The following AGO3 variants were observed in gnomAD, a reference collection of about 807,000 sequenced individuals.
The protein encoded by AGO3 is argonaute RISC catalytic component 3, also known as protein argonaute-3.
In AGO3, 16 loss-of-function variants were observed where a neutral mutation model predicts 105.5. The observed-to-expected ratio is 0.15, with a 90% CI of 0.10 to 0.23. The LOEUF is 0.23. Among genes scored for constraint, AGO3 ranks in the 10% least tolerant of loss-of-function variants. The pLI, the probability that AGO3 is intolerant of heterozygous loss-of-function variation, is 1.00. For synonymous variants in AGO3, 340 were observed against 367.3 expected, an observed-to-expected ratio of 0.93 and a Z score of 0.85; for missense variants, 534 against 1,088.0, an observed-to-expected ratio of 0.49 and a Z score of 7.16.
At position 35,938,424 on chromosome 1, in the gene AGO3, G is replaced by A. The variant is rs181739866; in HGVS notation, c.19+6979G>A. ...ATGAAACCATTGTTAACTCTTTCTTGTATATCTTCCCAGACATCCATCCGT... is the reference window on the plus strand; with the variant it reads ...ATGAAACCATTGTTAACTCTTTCTTATATATCTTCCCAGACATCCATCCGT... On this transcript the variant is annotated intron_variant, in intron 1 of 18. Coordinates refer to ENST00000373191, the MANE Select transcript of AGO3 (RefSeq NM_024852.4). Among the ~76,000 whole-genome samples, 11 of 152,232 alleles carry A rather than the reference G, an allele frequency of 7.2e-5. No individual in the cohort carries two copies. The East Asian group carries it at 1.7e-3, about 24-fold the overall frequency.
At chr1:35,967,626 A>T (rs1646799391) in intron 3 of AGO3, among the ~76,000 whole-genome samples, 1 of 152,066 alleles carries the variant, frequency 6.6e-6, no homozygotes. Flanking sequence ...CATGTTGGCC[A>T]GACTGGTCTC....
chr1:36,026,040 C>CA (rs796763694), intron 11 of AGO3, among the ~76,000 whole-genome samples: 2,308 of 135,340 alleles, frequency 0.017, 45 homozygotes, highest in African/African-American at 0.057. Context: ...GACTCCACCT[C>CA]AAAAAAAAAA....
chr1:35,996,082 T>C (rs1254187181), intron 5 of AGO3, among the ~76,000 whole-genome samples: 1 of 152,102 alleles, frequency 6.6e-6, no homozygotes, highest in Non-Finnish European at 1.5e-5. Flanking sequence ...CTCACACCTA[T>C]AATCCCAACA....
At chr1:35,938,024 A>G (rs1046154509) in intron 1 of AGO3, among the ~76,000 whole-genome samples, 1 of 139,336 alleles carries the variant, frequency 7.2e-6, no homozygotes, top group Non-Finnish European at 1.5e-5. Context: ...TCTGTCGCCC[A>G]GGCTGGAGTG....
At position 35,989,007 on chromosome 1, in the gene AGO3, A is replaced by G. The variant is rs185065786; in HGVS notation, c.659-15334A>G. ...ATTTTGCAAGCCTTGTACGTGGTAT[A>G]TGCACTGAACTAAACAGCCTTTATT... On this transcript the variant is annotated intron_variant, in intron 5 of 18. Transcript: ENST00000373191. Among the ~76,000 whole-genome samples the G allele has an allele frequency of 2.6e-5, 4 of 152,326 alleles. No homozygotes were observed. In the East Asian group the frequency reaches 7.7e-4, roughly 29 times the overall value.
intron 5 of AGO3, among the ~76,000 whole-genome samples, chr1:35,985,228 A>C (rs1010877767): frequency 4.6e-5 from 7 of 152,090 alleles, no homozygotes; most frequent in Non-Finnish European, 7.4e-5. Flanking sequence ...GCTGCAGTGA[A>C]CTGTGATCTC....
In AGO3 at chr1:36,056,863, T is replaced by C. The variant is rs1161653335; in HGVS notation, c.*1118T>C. ...TTCAAGCAATTCTCCTGCCTCAGCC[T>C]CCCGAGTAGCTGGGTTTACAGGCAT... On this transcript the variant is annotated 3_prime_UTR_variant, in exon 19 of 19. Transcript: ENST00000373191. 6.6e-6 allele frequency: 1 copy of C among 151,948 alleles called. No individual in the cohort carries two copies. Among genetic ancestry groups the C allele is most frequent in the Non-Finnish European group, 1.5e-5 (1 of 68,108 alleles). 9.4% of individuals were successfully genotyped at this position (151,948 alleles called of 1,614,324 possible). A position where few individuals can be genotyped will look rare whatever the true frequency, so the allele number is the denominator to read the frequency against.
intron 17 of AGO3, among the ~76,000 whole-genome samples, chr1:36,046,088 G>T (rs1217392214): frequency 6.6e-6 from 1 of 152,120 alleles, no homozygotes; most frequent in Admixed American, 6.6e-5. Context: ...ACCTACACTG[G>T]GGTCCCCAGC....
intron 11 of AGO3, among the ~76,000 whole-genome samples, chr1:36,017,986 C>G (rs1443878691): frequency 6.6e-6 from 1 of 151,252 alleles, no homozygotes; most frequent in Non-Finnish European, 1.5e-5. Context: ...GCACTATTCT[C>G]TTTAACCTGT....
At chr1:36,032,512 G>A (rs1241704193) in intron 12 of AGO3, among the ~76,000 whole-genome samples, 1 of 151,960 alleles carries the variant, frequency 6.6e-6, no homozygotes, top group East Asian at 1.9e-4. Context: ...CTCCTGAGTA[G>A]CTAGAACTAA....
intron 5 of AGO3, among the ~76,000 whole-genome samples, chr1:35,991,671 T>A (rs192767537): frequency 2.0e-5 from 3 of 151,844 alleles, no homozygotes; most frequent in Admixed American, 2.0e-4. Context: ...CATCACTCCA[T>A]TTTTAAAATA....
intron 5 of AGO3, among the ~76,000 whole-genome samples, chr1:35,976,340 A>G (rs1410578039): frequency 6.6e-6 from 1 of 151,808 alleles, no homozygotes; most frequent in Non-Finnish European, 1.5e-5. Context: ...TGATTTCTGT[A>G]TACTTTCTCT....
At chr1:36,019,714 C>A (rs911790280) in intron 11 of AGO3, among the ~76,000 whole-genome samples, 1 of 152,150 alleles carries the variant, frequency 6.6e-6, no homozygotes, top group Admixed American at 6.5e-5. Context: ...TGGTCATAAA[C>A]CATTTTAGCA....
At chr1:36,051,934 C>T (rs1642732562) in intron 17 of AGO3, among the ~76,000 whole-genome samples, 1 of 151,982 alleles carries the variant, frequency 6.6e-6, no homozygotes, top group South Asian at 2.1e-4. Flanking sequence ...ACAAAGAATG[C>T]AGAGAAAGGG....
chr1:36,038,593 A>G (rs1642118345), intron 14 of AGO3, among the ~76,000 whole-genome samples: 1 of 152,094 alleles, frequency 6.6e-6, no homozygotes, highest in Non-Finnish European at 1.5e-5. Flanking sequence ...TTTCAAGGGA[A>G]AGAAATGGTC....
chr1:35,952,620 CCGTATTTTTA>C (rs1293196268), intron 2 of AGO3, among the ~76,000 whole-genome samples: 1 of 152,110 alleles, frequency 6.6e-6, no homozygotes, highest in African/African-American at 2.4e-5. Context: ...GATTATAATA[CCGTATTTTTA>C]CTGTACCTTT....
In AGO3 at chr1:36,061,962, CA is replaced by C. The variant is rs1426587916; in HGVS notation, c.*6220del. ...GTAAAGTATCTAGGTAAATGCTCAC[CA>C]AATTTATTTTGTAAATTTGAAAACA... On this transcript the variant is annotated 3_prime_UTR_variant, in exon 19 of 19. Transcript: ENST00000373191. 2 of 152,040 alleles carry C rather than the reference CA, an allele frequency of 1.3e-5. No individual in the cohort carries two copies. Among genetic ancestry groups the C allele is most frequent in the African/African-American group, 4.8e-5 (2 of 41,398 alleles). 9.4% of individuals were successfully genotyped at this position (152,040 alleles called of 1,614,324 possible).
chr1:35,933,383 C>G (rs1571398384), intron 1 of AGO3, among the ~76,000 whole-genome samples: 1 of 151,908 alleles, frequency 6.6e-6, no homozygotes, highest in Non-Finnish European at 1.5e-5. Context: ...TGGTTCATGC[C>G]TGTAATCTCA....
At position 36,004,478 on chromosome 1, in the gene AGO3, G is replaced by A. The variant is rs764385662; in HGVS notation, c.793+3G>A. 3.2e-6 allele frequency: 5 copies of A among 1,582,782 alleles called. No individual in the cohort carries two copies. Among genetic ancestry groups the A allele is most frequent in the Admixed American group, 1.7e-5 (1 of 58,326 alleles). Reference sequence around the variant, plus strand: ...AAAATTCACCAAAGAGATAAAAGGTGAATTAATTAGCATTTAGCACAACTT... The same window carrying A: ...AAAATTCACCAAAGAGATAAAAGGTAAATTAATTAGCATTTAGCACAACTT... On this transcript the variant is annotated splice_donor_region_variant and intron_variant, in intron 6 of 18. Coordinates refer to ENST00000373191, the MANE Select transcript of AGO3 (RefSeq NM_024852.4).
Sources: allele counts gnomAD v4.1 joint callset (sites outside exome capture counted in the v4.1 genomes callset), GRCh38; gene constraint gnomAD v4.1.1; transcripts MANE v1.5; gene names NCBI Gene and HGNC (gene_info 2026-07-23, HGNC 2026-07-21).